The following NTMT1 variants were observed in gnomAD, a reference collection of about 807,000 sequenced individuals.
The protein encoded by NTMT1 is N-terminal RCC1 methyltransferase.
In NTMT1, 8 loss-of-function variants were observed where a neutral mutation model predicts 17.5. The ratio of observed to expected loss-of-function variants is 0.46; its 90% CI spans 0.27 to 0.82. The LOEUF is 0.82. Ranked by LOEUF, NTMT1 falls within the 40% of genes least tolerant of loss-of-function variation. The pLI, the probability that NTMT1 is intolerant of heterozygous loss-of-function variation, is 0.15. For synonymous variants in NTMT1, 128 were observed against 126.8 expected (o/e 1.01, Z -0.06); for missense variants, 221 against 303.5 (o/e 0.73, Z 2.02).
At chr9:129,625,597 G>T (rs1178545086), upstream of NTMT1, among the ~76,000 whole-genome samples, 1 of 152,114 alleles carries the variant, frequency 6.6e-6, no homozygotes, top group Non-Finnish European at 1.5e-5. Context: ...TGGGCGCGGT[G>T]GCTCACGCAT....
intron 2 of NTMT1, 119 bp downstream of exon 2, chr9:129,632,984 A>G: frequency 8.5e-7 from 1 of 1,175,742 alleles, no homozygotes; most frequent in Non-Finnish European, 1.2e-6. Context: ...ATCTCTTGGT[A>G]CCTACCCCAA....
At position 129,612,374 on chromosome 9, in the gene NTMT1, G is replaced by A. The variant is rs372409652; in HGVS notation, c.-55+3196G>A. The A allele has an allele frequency of 1.3e-5, 21 of 1,613,698 alleles. No homozygotes were observed. The Admixed American group carries it at 1.3e-4, about 10-fold the overall frequency. ...ACCTCTTATCTGGCTGCAGTGTTGC[G>A]GAGGCCAGGAGGAGATGGTACCCCT... On this transcript the variant is annotated intron_variant, in intron 1 of 3. Coordinates refer to the NTMT1 transcript ENST00000372486.
At chr9:129,627,155 T>C (rs970716862) in intron 1 of NTMT1, among the ~76,000 whole-genome samples, 23 of 152,234 alleles carry the variant, frequency 1.5e-4, no homozygotes, top group African/African-American at 5.3e-4. Context: ...AACTGAGGAC[T>C]GTGCGGGGGT....
In NTMT1 at chr9:129,613,066, C is replaced by T; in HGVS notation, c.-55+3888C>T. 1 of 1,611,398 alleles carries T rather than the reference C, an allele frequency of 6.2e-7. No individual in the cohort carries two copies. ...TCCCGGAGCCAGCTGCCAGCAGGGG[C>T]TCACCAGCTTCTAGGTCCAGGAGCA... is the stretch of plus-strand genomic sequence containing the variant. On this transcript the variant is annotated intron_variant, in intron 1 of 3. Coordinates refer to the NTMT1 transcript ENST00000372486. This position sits in a 1 kb window ranked among gnomAD's most constrained non-coding sequence, Gnocchi z 6.2.
chr9:129,628,135 C>T (rs926678035), intron 1 of NTMT1, among the ~76,000 whole-genome samples: 6 of 152,240 alleles, frequency 3.9e-5, no homozygotes, highest in Non-Finnish European at 5.9e-5. Flanking sequence ...CAGCCACATA[C>T]GGCATCTGTG....
chr9:129,613,682 G>C lies in NTMT1; in HGVS notation c.-55+4504G>C. 2 of 1,545,844 alleles carry C rather than the reference G, an allele frequency of 1.3e-6. No individual in the cohort carries two copies. Among genetic ancestry groups the C allele is most frequent in the Non-Finnish European group, 1.8e-6 (2 of 1,135,156 alleles). ...CCTCTTTTCCTCCCTCTGGCAGGCA[G>C]GGCCGGTCAGAGCCCTGTCTCCATG... On this transcript the variant is annotated intron_variant, in intron 1 of 3. Transcript: ENST00000372486. The surrounding 1 kb of genome is among the most constrained non-coding windows in gnomAD (Gnocchi z 6.2).
intron 1 of NTMT1, among the ~76,000 whole-genome samples, chr9:129,610,371 G>C (rs1163929391): frequency 1.3e-5 from 2 of 151,024 alleles, no homozygotes; most frequent in Admixed American, 6.6e-5. Context: ...GGGGCGCCGA[G>C]ACCCGCCCCG....
upstream of NTMT1, among the ~76,000 whole-genome samples, chr9:129,623,776 A>G (rs530929202): frequency 2.0e-5 from 3 of 149,520 alleles, no homozygotes; most frequent in South Asian, 6.4e-4. Context: ...GTCTTTTTTA[A>G]TGGCTGCGAA....
At chr9:129,619,823 T>C (rs1308351767) in intron 1 of NTMT1, 2 of 1,614,078 alleles carry the variant, frequency 1.2e-6, no homozygotes, top group Admixed American at 1.7e-5. Flanking sequence ...GTTGCGGTGC[T>C]GGGGATGCTG....
Position 129,635,670 on chromosome 9 carries a change from C to A in NTMT1, c.*206C>A. The A allele has an allele frequency of 1.6e-6, 1 of 618,788 alleles. No individual in the cohort carries two copies. The highest frequency in any genetic ancestry group is 2.8e-6 in the Non-Finnish European group (1 of 356,728). The allele number at this position is 618,788 out of a possible 1,614,324, so 38.3% of individuals were successfully genotyped here. A position where few individuals can be genotyped will look rare whatever the true frequency, so the allele number is the denominator to read the frequency against. On this transcript the variant is annotated 3_prime_UTR_variant, in exon 4 of 4. Coordinates refer to ENST00000372483, the MANE Select transcript of NTMT1 (RefSeq NM_014064.4). ...GGGTGCTGCTGAACCAGCGGTGAGG[C>A]AGGAGCCCAGACCCTGCTCTCCTGC...
intron 1 of NTMT1, among the ~76,000 whole-genome samples, chr9:129,630,171 T>C (rs970562069): frequency 5.3e-5 from 8 of 152,146 alleles, no homozygotes; most frequent in Non-Finnish European, 8.8e-5. Context: ...CAGTAACAAA[T>C]TTGACCAATG....
intron 3 of NTMT1, 48 bp downstream of exon 3, chr9:129,634,354 C>G: frequency 6.5e-7 from 1 of 1,547,094 alleles, no homozygotes; most frequent in African/African-American, 1.4e-5. Flanking sequence ...TCTCCTGCCA[C>G]TCGCGTTCCC....
chr9:129,624,477 A>C (rs1013422812), upstream of NTMT1, among the ~76,000 whole-genome samples: 10 of 152,230 alleles, frequency 6.6e-5, no homozygotes, highest in South Asian at 2.1e-4. Context: ...GGGTATGCCA[A>C]ATAAGATGCA....
chr9:129,609,385 C>T (rs954097081), intron 1 of NTMT1, among the ~76,000 whole-genome samples: 3 of 152,152 alleles, frequency 2.0e-5, no homozygotes, highest in Non-Finnish European at 4.4e-5. Flanking sequence ...CTCTCCCCTG[C>T]CCTGGCTGGG....
rs762764772 is a variant in NTMT1 at position 129,620,094 on chromosome 9, TCTC to T, written c.-55+10919_-55+10921del. ...AGTGGCTCCGGCTCCTCGGCGCACT[TCTC>T]CTGGAGCTGGTGCAGGAACTCACGG... is the stretch of plus-strand genomic sequence containing the variant. On this transcript the variant is annotated intron_variant, in intron 1 of 3. Coordinates refer to the NTMT1 transcript ENST00000372486. This position sits in a 1 kb window ranked among gnomAD's most constrained non-coding sequence, Gnocchi z 5.8. 3.2e-5 allele frequency: 47 copies of T among 1,449,638 alleles called. No individual in the cohort carries two copies. The East Asian group carries it at 1.1e-3, about 33-fold the overall frequency. The allele number at this position is 1,449,638 out of a possible 1,614,324, so 89.8% of individuals were successfully genotyped here.
At chr9:129,626,683 G>T (rs996333002) in intron 1 of NTMT1, 1 of 152,262 alleles carries the variant, frequency 6.6e-6, no homozygotes, top group Non-Finnish European at 1.5e-5. Context: ...AAAATGCCCA[G>T]TTCAGAGCCT....
At chr9:129,628,363 C>G (rs1830994308) in intron 1 of NTMT1, among the ~76,000 whole-genome samples, 1 of 152,180 alleles carries the variant, frequency 6.6e-6, no homozygotes, top group Admixed American at 6.5e-5. Context: ...CCTCCCCTGG[C>G]TTGTTCCCAG....
upstream of NTMT1, among the ~76,000 whole-genome samples, chr9:129,622,529 T>C (rs1830764639): frequency 6.6e-6 from 1 of 152,114 alleles, no homozygotes; most frequent in Admixed American, 6.5e-5. Context: ...GTCTGGGTGC[T>C]AGGTGTGCTT....
chr9:129,609,829 A>G (rs1311220), intron 1 of NTMT1, among the ~76,000 whole-genome samples: 151,942 of 152,066 alleles, frequency 1, 75,909 homozygotes, highest in Non-Finnish European at 1. Context: ...AGGGCAGCAG[A>G]TGACCCCGAA....
Sources: gnomAD v4.1 joint callset for allele counts (sites outside exome capture counted in the v4.1 genomes callset) on GRCh38, gnomAD v4.1.1 for gene constraint, Gnocchi (gnomAD v3.1) non-coding constraint, MANE v1.5 for transcripts, NCBI Gene and HGNC (gene_info 2026-07-23, HGNC 2026-07-21) for gene names.